Variants in USP33 observed in about 807,000 individuals in gnomAD.
The protein encoded by USP33 is ubiquitin carboxyl-terminal hydrolase 33.
A neutral mutation model predicts 124.2 loss-of-function variants in USP33; 46 were observed. That is an observed-to-expected ratio of 0.37 (90% CI 0.29 to 0.47). The LOEUF (loss-of-function observed/expected upper bound fraction) is 0.47. USP33 is among the 20% of genes least tolerant of loss of function. USP33 has a pLI of 0.99. For missense variants in USP33, 851 were observed against 1,070.6 expected, an observed-to-expected ratio of 0.79 and a Z score of 2.86; for synonymous variants, 350 against 352.3, an observed-to-expected ratio of 0.99 and a Z score of 0.07.
At chr1:77,749,141 A>G (rs997278022) in intron 1 of USP33, among the ~76,000 whole-genome samples, 3 of 152,198 alleles carry the variant, frequency 2.0e-5, no homozygotes. Context: ...AAAATCTGCA[A>G]AAGATTCCAT....
intron 1 of USP33, among the ~76,000 whole-genome samples, chr1:77,747,003 T>C (rs993867864): frequency 3.3e-5 from 5 of 152,210 alleles, no homozygotes; most frequent in Admixed American, 6.5e-5. Context: ...CTTTTATTAA[T>C]TGCTTCTTTA....
At chr1:77,705,376 G>A (rs532188992) in intron 21 of USP33, among the ~76,000 whole-genome samples, 3 of 151,914 alleles carry the variant, frequency 2.0e-5, no homozygotes, top group Admixed American at 1.3e-4. Context: ...TGTATTTTTA[G>A]TAGAGATGGG....
intron 1 of USP33, among the ~76,000 whole-genome samples, chr1:77,750,925 TTC>T (rs1680275104): frequency 6.6e-6 from 1 of 152,228 alleles, no homozygotes; most frequent in Non-Finnish European, 1.5e-5. Context: ...TCTTAGCTAC[TTC>T]AATTTCTTCT....
intron 1 of USP33, among the ~76,000 whole-genome samples, chr1:77,745,141 C>A (rs1007284173): frequency 6.6e-6 from 1 of 152,172 alleles, no homozygotes; most frequent in African/African-American, 2.4e-5. Flanking sequence ...GGATAGTTAG[C>A]TCTTCTTGTT....
At chr1:77,720,573 A>T in intron 15 of USP33, 2 of 985,452 alleles carry the variant, frequency 2.0e-6, no homozygotes, top group Non-Finnish European at 2.4e-6. Context: ...TCTTATTAGC[A>T]AGCCGTTGCA....
At chr1:77,747,058 A>G (rs1193692810) in intron 1 of USP33, among the ~76,000 whole-genome samples, 1 of 152,062 alleles carries the variant, frequency 6.6e-6, no homozygotes, top group African/African-American at 2.4e-5. Flanking sequence ...CTCTTCTTTT[A>G]AAATTAATCC....
chr1:77,718,708 A>C, intron 15 of USP33, 67 bp from the exon 16 acceptor site: 5 of 1,282,102 alleles, frequency 3.9e-6, no homozygotes, highest in Non-Finnish European at 5.6e-6. Flanking sequence ...TTTGCAACAA[A>C]AATCTTTTAG....
chr1:77,703,315 T>A (rs1241584447), intron 21 of USP33, among the ~76,000 whole-genome samples: 1 of 152,198 alleles, frequency 6.6e-6, no homozygotes, highest in Admixed American at 6.5e-5. Context: ...ATGAGGCCTA[T>A]CTTGACCACC....
chr1:77,731,067 C>G (rs1210623342), intron 7 of USP33, among the ~76,000 whole-genome samples: 1 of 152,136 alleles, frequency 6.6e-6, no homozygotes. Flanking sequence ...CTTGAAACTC[C>G]TTTTCCCTCT....
intron 22 of USP33, among the ~76,000 whole-genome samples, chr1:77,699,850 T>C (rs537592287): frequency 6.6e-6 from 1 of 152,338 alleles, no homozygotes; most frequent in Non-Finnish European, 1.5e-5. Context: ...CACTATGGAA[T>C]ACTACGCAGC....
intron 20 of USP33, among the ~76,000 whole-genome samples, chr1:77,712,749 T>C (rs1570752601): frequency 6.6e-6 from 1 of 151,744 alleles, no homozygotes; most frequent in Non-Finnish European, 1.5e-5. Context: ...TCCCAGCTAC[T>C]AGGCAGGCTG....
At chr1:77,729,336 A>T (rs1030478766) in intron 9 of USP33, among the ~76,000 whole-genome samples, 1 of 150,812 alleles carries the variant, frequency 6.6e-6, no homozygotes, top group African/African-American at 2.4e-5. Context: ...GTTCAAGACC[A>T]GCCAGGGCAA....
chr1:77,707,042 G>C (rs994081502), intron 21 of USP33, among the ~76,000 whole-genome samples: 1 of 152,128 alleles, frequency 6.6e-6, no homozygotes, highest in Non-Finnish European at 1.5e-5. Context: ...TACAGTACTG[G>C]CTGCAATGAC....
At chr1:77,713,459 C>A in intron 19 of USP33, 178 bp from the exon 20 acceptor site, 1 of 515,006 alleles carries the variant, frequency 1.9e-6, no homozygotes, top group South Asian at 2.7e-5. Flanking sequence ...TCATGGCTCA[C>A]AGCAGCCTCA....
intron 15 of USP33, among the ~76,000 whole-genome samples, chr1:77,719,466 G>A (rs1331489992): frequency 6.6e-6 from 1 of 152,210 alleles, no homozygotes; most frequent in African/African-American, 2.4e-5. Flanking sequence ...GCTACTGTCT[G>A]TGGTGTGGCT....
At position 77,725,665 on chromosome 1, in the gene USP33, T is replaced by C. The variant is rs1310842305; in HGVS notation, c.1233A>G (p.Lys411=). 1 of 1,614,122 alleles carries C rather than the reference T, an allele frequency of 6.2e-7. No individual in the cohort carries two copies. The highest frequency in any genetic ancestry group is 8.5e-7 in the Non-Finnish European group (1 of 1,180,008). The part of the protein sequence containing the change: ...VNPRLSASPP[K]SGNLWPGLAP... ...CCAATCCTGGCCACAAATTGCCTGA[T>C]TTAGGAGGGCTTGCCGATAAACGTG... The change falls in exon 11 of 24, where the codon AAA becomes AAG. Residue 411 remains lysine (K), a synonymous_variant. Transcript: ENST00000370794.
chr1:77,728,756 T>C (rs776470762), intron 9 of USP33, 44 bp from the exon 10 acceptor site: 2 of 1,561,890 alleles, frequency 1.3e-6, no homozygotes, highest in Non-Finnish European at 8.6e-7. Context: ...ATTACATGTG[T>C]ATATAGAAAC....
intron 1 of USP33, among the ~76,000 whole-genome samples, chr1:77,752,136 T>C (rs947314136): frequency 6.6e-6 from 1 of 150,756 alleles, no homozygotes; most frequent in African/African-American, 2.4e-5. Flanking sequence ...ATGTTATTAG[T>C]ACAATTTTTT....
chr1:77,720,165 G>GAAAA lies in USP33; in HGVS notation c.1691+1003_1691+1006dup, dbSNP rs745681259. Among the ~76,000 whole-genome samples the GAAAA allele has an allele frequency of 2.0e-3, 87 of 42,748 alleles. 18 individuals are homozygous for GAAAA. The highest frequency in any genetic ancestry group is 4.4e-3 in the Admixed American group (9 of 2,062). 28.0% of individuals were successfully genotyped at this position (42,748 alleles called of 152,430 possible). On this transcript the variant is annotated intron_variant, in intron 15 of 23. Transcript: ENST00000370794. ...GACAGAATGAGACTATGTCTCAAAT[G>GAAAA]AAAAAAAAAAAAAAAAAAAAAAAAA...
Sources: allele counts gnomAD v4.1 joint callset (sites outside exome capture counted in the v4.1 genomes callset), GRCh38; gene constraint gnomAD v4.1.1; transcripts MANE v1.5; gene names NCBI Gene and HGNC (gene_info 2026-07-23, HGNC 2026-07-21).